Variants in WDR62 observed in about 807,000 individuals in gnomAD.
The protein encoded by WDR62 is WD repeat domain 62.
A neutral mutation model predicts 160.6 loss-of-function variants in WDR62; 112 were observed. The observed-to-expected ratio is 0.70, with a 90% CI of 0.60 to 0.82. The LOEUF (loss-of-function observed/expected upper bound fraction) is 0.82, where lower values mean the gene tolerates loss of function less well. Ranked by LOEUF, WDR62 falls within the 40% of genes least tolerant of loss-of-function variation. The pLI is 0.00. For synonymous variants in WDR62, 792 were observed against 815.1 expected, an observed-to-expected ratio of 0.97 and a Z score of 0.48; for missense variants, 1,819 against 1,983.8, an observed-to-expected ratio of 0.92 and a Z score of 1.58.
Position 36,104,545 on chromosome 19 carries a change from C to T in WDR62, c.4181C>T (p.Pro1394Leu), listed in dbSNP as rs753637152. 60 of 1,613,622 alleles carry T rather than the reference C, an allele frequency of 3.7e-5. 1 individual carries two copies. The highest frequency in any genetic ancestry group is 4.8e-5 in the Non-Finnish European group (57 of 1,179,828). ...SGALGLLQGSPARWSEPWVPV... is the reference protein window; with the variant it reads ...SGALGLLQGSLARWSEPWVPV... ...GCACTTGGTCTGTTACAGGGCAGCCCTGCCCGCTGGAGTGAGCCCTGGGTG... is the reference window on the plus strand; with the variant it reads ...GCACTTGGTCTGTTACAGGGCAGCCTTGCCCGCTGGAGTGAGCCCTGGGTG... The change falls in exon 31 of 32, where the codon CCT becomes CTT. Residue 1394 changes from proline to leucine, a missense_variant. Around this residue, in one of 3 missense-constraint regions of WDR62, gnomAD observed 770 missense variants for 734.2 expected, o/e 1.05. Transcript: ENST00000401500.
chr19:36,101,134 C>T, intron 23 of WDR62, 80 bp from the exon 24 acceptor site: 1 of 1,370,614 alleles, frequency 7.3e-7, no homozygotes. Flanking sequence ...GGTACAGGTG[C>T]CTAGGGGCTC....
At chr19:36,090,543 C>CT (rs1461189673) in intron 16 of WDR62, 23 bp downstream of exon 16, 1 of 1,612,386 alleles carries the variant, frequency 6.2e-7, no homozygotes, top group Non-Finnish European at 8.5e-7. Flanking sequence ...AGACCCCTGT[C>CT]TGTCTGCTGC....
At chr19:36,109,760 AAAAT>A (rs1973773354), downstream of WDR62, among the ~76,000 whole-genome samples, 6 of 149,438 alleles carry the variant, frequency 4.0e-5, no homozygotes, top group African/African-American at 1.5e-4. Flanking sequence ...CAAAACAAAA[AAAAT>A]AAAAACAGGT....
chr19:36,060,318 G>C (rs147496131), intron 3 of WDR62: 2 of 463,016 alleles, frequency 4.3e-6, no homozygotes, highest in Non-Finnish European at 7.9e-6. Flanking sequence ...GGATGTCTTC[G>C]GGCAGGTTTG....
chr19:36,097,640 T>A (rs1038192323), intron 21 of WDR62, among the ~76,000 whole-genome samples: 4 of 152,100 alleles, frequency 2.6e-5, no homozygotes, highest in Non-Finnish European at 4.4e-5. Context: ...TCCCAGCACT[T>A]TGGGAGGCCA....
intron 7 of WDR62, chr19:36,070,141 ATTTAT>A (rs1353896096): frequency 6.9e-6 from 1 of 144,320 alleles, no homozygotes; most frequent in African/African-American, 2.6e-5. Context: ...ATAAACTTTT[ATTTAT>A]TTTTATTTAT....
intron 19 of WDR62, 93 bp downstream of exon 19, chr19:36,092,904 C>CCT (rs1246639491): frequency 6.3e-7 from 1 of 1,589,584 alleles, no homozygotes; most frequent in Non-Finnish European, 8.6e-7. Context: ...CCAAGACAGC[C>CCT]CTAGGCCCTG....
chr19:36,089,525 T>G (rs1972462007), intron 15 of WDR62, among the ~76,000 whole-genome samples: 3 of 152,308 alleles, frequency 2.0e-5, no homozygotes, highest in Admixed American at 6.5e-5. Context: ...CACTGCAACC[T>G]CCACCTCCTG....
chr19:36,059,708 T>A (rs1970546889), intron 2 of WDR62, among the ~76,000 whole-genome samples: 1 of 152,182 alleles, frequency 6.6e-6, no homozygotes, highest in Non-Finnish European at 1.5e-5. Context: ...AGTGCTGGGA[T>A]TATAGCCAGC....
In WDR62 at chr19:36,058,890, C is replaced by T. The variant is rs140267028; in HGVS notation, c.269+19C>T. 1,077 of 1,597,128 alleles carry T rather than the reference C, an allele frequency of 6.7e-4. 7 individuals are homozygous for T. In the Middle Eastern group the frequency reaches 6.8e-3, roughly 10 times the overall value. ...TGGCAGGGTAAGCAGATAAGGGCCT[C>T]GACGTCTAATCATTGCTAGGGAATT... On this transcript the variant is annotated intron_variant, in intron 2 of 31. Transcript: ENST00000401500.
chr19:36,091,340 T>TGGCC, intron 17 of WDR62, 29 bp downstream of exon 17: 4 of 1,579,100 alleles, frequency 2.5e-6, no homozygotes, highest in Non-Finnish European at 3.5e-6. Context: ...TTGGGATGCC[T>TGGCC]CCCCACCCGC....
intron 21 of WDR62, 125 bp downstream of exon 21, chr19:36,097,204 C>T (rs541815127): frequency 1.5e-5 from 14 of 911,132 alleles, no homozygotes; most frequent in Non-Finnish European, 2.5e-5. Context: ...GTCATCCTTC[C>T]AGGCTCAGTG....
chr19:36,098,873 C>T (rs183264536), intron 21 of WDR62, among the ~76,000 whole-genome samples: 9 of 152,244 alleles, frequency 5.9e-5, no homozygotes, highest in African/African-American at 2.2e-4. Context: ...ATTCCTTGAG[C>T]CCAAGGGTTT....
In WDR62 at chr19:36,105,057, T is replaced by G. The variant is rs750746167; in HGVS notation, c.*29T>G. On this transcript the variant is annotated 3_prime_UTR_variant, in exon 32 of 32. Coordinates refer to ENST00000401500, the MANE Select transcript of WDR62 (RefSeq NM_001083961.2). Reference sequence around the variant, plus strand: ...CGCAGCCCCTCCACCGCAGCCCTGCTGCTTCTGAGGACTTAGGTATTTTAA... The same window carrying G: ...CGCAGCCCCTCCACCGCAGCCCTGCGGCTTCTGAGGACTTAGGTATTTTAA... 6.3e-7 allele frequency: 1 copy of G among 1,586,916 alleles called. No individual in the cohort carries two copies. The highest frequency in any genetic ancestry group is 8.5e-7 in the Non-Finnish European group (1 of 1,173,438).
chr19:36,059,898 G>T, intron 2 of WDR62, 70 bp from the exon 3 acceptor site: 3 of 1,532,942 alleles, frequency 2.0e-6, no homozygotes, highest in Non-Finnish European at 2.7e-6. Context: ...GGCTTTTCTG[G>T]TGGGAATAGA....
chr19:36,058,227 C>T (rs1970464331), intron 1 of WDR62, among the ~76,000 whole-genome samples: 1 of 152,150 alleles, frequency 6.6e-6, no homozygotes, highest in Non-Finnish European at 1.5e-5. Context: ...TGGCATGTGC[C>T]TGTAATCCTA....
intron 15 of WDR62, 128 bp from the exon 16 acceptor site, chr19:36,090,317 T>G: frequency 1.2e-6 from 1 of 841,842 alleles, no homozygotes; most frequent in Non-Finnish European, 2.0e-6. Flanking sequence ...TCAGTTTCAG[T>G]CTAGGCATCA....
At position 36,065,882 on chromosome 19, in the gene WDR62, T is replaced by C. The variant is rs576445106; in HGVS notation, c.333-76T>C. The C allele has an allele frequency of 2.0e-5, 28 of 1,433,056 alleles. No individual in the cohort carries two copies. In the African/African-American group the frequency reaches 3.4e-4, roughly 17 times the overall value. 88.8% of individuals were successfully genotyped at this position (1,433,056 alleles called of 1,614,324 possible). Reference sequence around the variant, plus strand: ...TGGGAGGCAGAAGAGGGCAGAGTCCTATCAGAGTCGCCAGGATGGGGTCTG... The same window carrying C: ...TGGGAGGCAGAAGAGGGCAGAGTCCCATCAGAGTCGCCAGGATGGGGTCTG... On this transcript the variant is annotated intron_variant, in intron 3 of 31. Coordinates refer to ENST00000401500, the MANE Select transcript of WDR62 (RefSeq NM_001083961.2).
intron 4 of WDR62, 89 bp downstream of exon 4, chr19:36,066,104 G>A (rs1036115166): frequency 6.3e-7 from 1 of 1,583,692 alleles, no homozygotes; most frequent in South Asian, 1.1e-5. Context: ...GGGAGTCCCT[G>A]GAATAGCTCC....
Sources: gnomAD v4.1 joint callset for allele counts (sites outside exome capture counted in the v4.1 genomes callset) on GRCh38, gnomAD v4.1.1 for gene constraint, gnomAD v4.1.1 regional missense constraint, MANE v1.5 for transcripts, NCBI Gene and HGNC (gene_info 2026-07-23, HGNC 2026-07-21) for gene names.